ROBO2: variants seen among roughly 807,000 people sequenced by gnomAD.
ROBO2 encodes roundabout guidance receptor 2, also known as roundabout homolog 2.
In ROBO2, 53 loss-of-function variants were observed where a neutral mutation model predicts 160.8. That is an observed-to-expected ratio of 0.33 (90% confidence interval 0.26 to 0.41). The LOEUF (loss-of-function observed/expected upper bound fraction) is 0.41. Among genes scored for constraint, ROBO2 ranks in the 10% least tolerant of loss-of-function variants. The pLI is 1.00. For synonymous variants in ROBO2, 664 were observed against 611.7 expected (o/e 1.09, Z -1.26); for missense variants, 1,577 against 1,722.4 (o/e 0.92, Z 1.49).
intron 2 of ROBO2, among the ~76,000 whole-genome samples, chr3:76,324,451 T>C (rs2072841499): frequency 6.6e-6 from 1 of 152,208 alleles, no homozygotes; most frequent in Admixed American, 6.5e-5. Flanking sequence ...TAAATGAATA[T>C]GTTTGGAACA....
intron 4 of ROBO2, among the ~76,000 whole-genome samples, chr3:77,483,455 C>G (rs1226219036): frequency 1.3e-5 from 2 of 151,806 alleles, no homozygotes; most frequent in African/African-American, 2.4e-5. Flanking sequence ...CAATACAACT[C>G]TTTATATTTT....
intron 5 of ROBO2, among the ~76,000 whole-genome samples, chr3:77,504,013 T>C (rs1322491388): frequency 6.6e-6 from 1 of 152,204 alleles, no homozygotes; most frequent in Non-Finnish European, 1.5e-5. Flanking sequence ...TGGGGGGATC[T>C]CTGTTTTAGT....
At chr3:77,043,103 T>A (rs763968015) in intron 1 of ROBO2, among the ~76,000 whole-genome samples, 9 of 152,206 alleles carry the variant, frequency 5.9e-5, no homozygotes, top group Non-Finnish European at 8.8e-5. Flanking sequence ...ATTTGGGATG[T>A]GGAGAACACT....
chr3:76,605,276 A>C (rs1222291501), intron 2 of ROBO2, among the ~76,000 whole-genome samples: 1 of 152,160 alleles, frequency 6.6e-6, no homozygotes, highest in Non-Finnish European at 1.5e-5. Context: ...GACATTAAAG[A>C]CATAGATCAG....
chr3:76,464,651 T>G (rs1279115635), intron 2 of ROBO2, among the ~76,000 whole-genome samples: 2 of 152,134 alleles, frequency 1.3e-5, no homozygotes, highest in African/African-American at 2.4e-5. Flanking sequence ...TTACCCTTTC[T>G]CTACTGGAAA....
At chr3:76,218,513 C>T (rs531055294) in intron 2 of ROBO2, among the ~76,000 whole-genome samples, 57 of 152,262 alleles carry the variant, frequency 3.7e-4, no homozygotes, top group African/African-American at 1.3e-3. Context: ...TTCTTATACA[C>T]CAATAACAGA....
At chr3:76,593,191 G>C (rs1425941580) in intron 2 of ROBO2, among the ~76,000 whole-genome samples, 1 of 152,096 alleles carries the variant, frequency 6.6e-6, no homozygotes. Flanking sequence ...AACTGTGTCT[G>C]TTTTCCAGCA....
At chr3:76,790,074 T>G (rs556632164) in intron 2 of ROBO2, among the ~76,000 whole-genome samples, 1 of 151,806 alleles carries the variant, frequency 6.6e-6, no homozygotes, top group East Asian at 1.9e-4. Context: ...AAGTTTTGGT[T>G]AAGAAAATCA....
At chr3:77,494,752 G>T (rs1214230008) in intron 5 of ROBO2, among the ~76,000 whole-genome samples, 5 of 149,652 alleles carry the variant, frequency 3.3e-5, no homozygotes, top group Admixed American at 2.0e-4. Context: ...TAAATCCCTA[G>T]ATATGATTGG....
intron 2 of ROBO2, among the ~76,000 whole-genome samples, chr3:76,323,378 AT>A (rs961530823): frequency 2.6e-5 from 4 of 152,234 alleles, no homozygotes; most frequent in African/African-American, 9.6e-5. Flanking sequence ...CTCATTATAG[AT>A]GTGAAAATGT....
chr3:76,786,856 T>G (rs1159272291), intron 2 of ROBO2, among the ~76,000 whole-genome samples: 1 of 151,320 alleles, frequency 6.6e-6, no homozygotes, highest in Non-Finnish European at 1.5e-5. Context: ...TAGTCCATTC[T>G]CACACTGCTA....
At chr3:76,750,941 A>T (rs966737635) in intron 2 of ROBO2, among the ~76,000 whole-genome samples, 7 of 152,150 alleles carry the variant, frequency 4.6e-5, no homozygotes, top group Non-Finnish European at 7.3e-5. Flanking sequence ...ATTGGAAAAA[A>T]CTACTTTAAA....
chr3:77,185,131 G>T (rs2081164460), intron 2 of ROBO2, among the ~76,000 whole-genome samples: 1 of 152,012 alleles, frequency 6.6e-6, no homozygotes, highest in East Asian at 1.9e-4. Context: ...AAGCTGGGAT[G>T]AGAGGTAGAA....
intron 2 of ROBO2, among the ~76,000 whole-genome samples, chr3:77,265,497 A>T (rs754856846): frequency 6.6e-6 from 1 of 152,172 alleles, no homozygotes; most frequent in Non-Finnish European, 1.5e-5. Context: ...ATGAAAAAAT[A>T]CACTTGCAGA....
chr3:76,921,673 TTTTG>T (rs1274642935), intron 2 of ROBO2, among the ~76,000 whole-genome samples: 2 of 152,192 alleles, frequency 1.3e-5, no homozygotes, highest in Non-Finnish European at 2.9e-5. Context: ...ATTGAGTGTT[TTTTG>T]TTTGTTTCTT....
At chr3:76,986,670 T>C (rs1454221720) in intron 2 of ROBO2, among the ~76,000 whole-genome samples, 7 of 152,070 alleles carry the variant, frequency 4.6e-5, no homozygotes, top group Non-Finnish European at 2.9e-5. Context: ...TTGCCAACAC[T>C]AGGAAAATGG....
At chr3:76,879,082 G>A (rs1276495393) in intron 2 of ROBO2, among the ~76,000 whole-genome samples, 1 of 152,128 alleles carries the variant, frequency 6.6e-6, no homozygotes, top group African/African-American at 2.4e-5. Flanking sequence ...AAACCCAGAT[G>A]ATTTATTCAG....
chr3:77,270,789 A>G (rs937435331), intron 2 of ROBO2, among the ~76,000 whole-genome samples: 1 of 152,128 alleles, frequency 6.6e-6, no homozygotes, highest in Admixed American at 6.5e-5. Flanking sequence ...CTAAAAACAC[A>G]AAAAGTAGCT....
intron 1 of ROBO2, among the ~76,000 whole-genome samples, chr3:75,933,466 A>G (rs1264260517): frequency 6.6e-6 from 1 of 152,150 alleles, no homozygotes; most frequent in African/African-American, 2.4e-5. Flanking sequence ...TTCAGTAAAG[A>G]GGACTATTGC....
Sources: gnomAD v4.1 joint callset for allele counts (sites outside exome capture counted in the v4.1 genomes callset) on GRCh38, gnomAD v4.1.1 for gene constraint, MANE v1.5 for transcripts, NCBI Gene and HGNC (gene_info 2026-07-23, HGNC 2026-07-21) for gene names.